DMD: variants seen among roughly 807,000 people sequenced by gnomAD.
DMD encodes mutant dystrophin.
A neutral mutation model predicts 330.1 loss-of-function variants in DMD; 63 were observed. The observed-to-expected ratio is 0.19, with a 90% CI of 0.16 to 0.24. The LOEUF (loss-of-function observed/expected upper bound fraction) is 0.24, where lower values mean the gene tolerates loss of function less well. DMD is among the 10% of genes least tolerant of loss of function. The probability of loss-of-function intolerance (pLI) is 1.00; values close to 1 mark genes in which losing one functional copy is unlikely to be tolerated. For missense variants in DMD, 3,344 were observed against 2,684.1 expected (o/e 1.25, Z -5.43); for synonymous variants, 1,223 against 959.8 (o/e 1.27, Z -5.07).
At chrX:33,334,596 T>C (rs1374025673) in intron 1 of DMD, among the ~76,000 whole-genome samples, 1 of 110,871 alleles carries the variant, frequency 9.0e-6, no homozygotes, top group Non-Finnish European at 1.9e-5. Context: ...GACTCTTAAA[T>C]TGAAATTTTA....
chrX:31,687,854 C>G (rs1384399892), intron 52 of DMD, among the ~76,000 whole-genome samples: 1 of 111,430 alleles, frequency 9.0e-6, no homozygotes, highest in Non-Finnish European at 1.9e-5. Flanking sequence ...TTATTGCATG[C>G]CTTGAGGTAG....
At chrX:32,957,780 A>T (rs957171098) in intron 2 of DMD, among the ~76,000 whole-genome samples, 2 of 111,846 alleles carry the variant, frequency 1.8e-5, no homozygotes, top group Non-Finnish European at 3.8e-5. Context: ...AGGTAAAAAT[A>T]AGCACTTCAG....
intron 7 of DMD, among the ~76,000 whole-genome samples, chrX:32,700,541 T>G (rs1471924703): frequency 9.0e-6 from 1 of 110,848 alleles, no homozygotes; most frequent in Admixed American, 9.7e-5. Context: ...GCTGCGAGAG[T>G]AGATATTAAG....
Position 31,507,291 on chromosome X carries a change from G to C in DMD, c.8380C>G (p.Leu2794Val). 1 of 1,211,417 alleles carries C rather than the reference G, an allele frequency of 8.3e-7. No homozygotes were observed. Among genetic ancestry groups the C allele is most frequent in the Non-Finnish European group, 1.1e-6 (1 of 895,337 alleles). ...CACATCTTTTCCTACCTAATGTTGA[G>C]AGACTTTTTCCGAAGTTCACTCCAC... ...FKWSELRKKS[L>V]NIRSHLEASS... Residue 2794 changes from leucine to valine, a missense_variant, in exon 56 of 79, where the codon CTC becomes GTC. Physicochemically the swap from Leu to Val is conservative, Grantham distance 32. Transcript: ENST00000357033.
chrX:32,718,987 G>T (rs1346829816), intron 7 of DMD, among the ~76,000 whole-genome samples: 1 of 111,669 alleles, frequency 9.0e-6, no homozygotes, highest in Non-Finnish European at 1.9e-5. Context: ...TTATATCGGG[G>T]AAGAGGCTAT....
chrX:32,139,102 A>G (rs1431386275), intron 44 of DMD, among the ~76,000 whole-genome samples: 1 of 112,427 alleles, frequency 8.9e-6, no homozygotes, highest in African/African-American at 3.2e-5. Context: ...CACATTTTCC[A>G]GAATGGAAAA....
In DMD at chrX:32,217,011, T is replaced by C; in HGVS notation, c.6343A>G (p.Ile2115Val). The C allele has an allele frequency of 8.3e-7, 1 of 1,208,904 alleles. No individual in the cohort carries two copies. The highest frequency in any genetic ancestry group is 1.1e-6 in the Non-Finnish European group (1 of 893,180). ...GCTTCTGTTAGCCACTGATTAAATA[T>C]CTTTATATCATAATGAAAACGCCGC... ...KWRRFHYDIK[I>V]FNQWLTEAEQ... The change falls in exon 44 of 79, where the codon ATA becomes GTA. Residue 2115 changes from isoleucine (I) to valine (V), a missense_variant. Transcript: ENST00000357033.
chrX:32,410,849 A>T (rs1489594712), intron 30 of DMD, among the ~76,000 whole-genome samples: 1 of 112,475 alleles, frequency 8.9e-6, no homozygotes, highest in Non-Finnish European at 1.9e-5. Flanking sequence ...TTACTCATTT[A>T]AAAGTCAACT....
intron 76 of DMD, 64 bp from the exon 77 acceptor site, chrX:31,134,258 A>T: frequency 1.1e-6 from 1 of 919,769 alleles, no homozygotes; most frequent in Non-Finnish European, 1.6e-6. Flanking sequence ...TTAAAGGGCC[A>T]TGATTACATT....
chrX:31,928,613 GA>G (rs1239408672), intron 47 of DMD, among the ~76,000 whole-genome samples: 12 of 101,855 alleles, frequency 1.2e-4, no homozygotes, highest in South Asian at 4.4e-4. Flanking sequence ...CTCCAAAAAA[GA>G]AAAAAAAAAA....
chrX:32,435,275 C>CATTTATATATATATATAT (rs1253392663), intron 29 of DMD, among the ~76,000 whole-genome samples: 4 of 79,655 alleles, frequency 5.0e-5, no homozygotes, highest in Non-Finnish European at 1.0e-4. Context: ...TATATACTTA[C>CATTTATATATATATATAT]ATATATATAT....
chrX:32,754,360 A>G (rs1451636534), intron 7 of DMD, among the ~76,000 whole-genome samples: 2 of 110,469 alleles, frequency 1.8e-5, no homozygotes, highest in Non-Finnish European at 3.8e-5. Context: ...GTGCATCTCA[A>G]GATCTCAGAC....
At chrX:33,175,820 TAA>T (rs1285269636) in intron 1 of DMD, among the ~76,000 whole-genome samples, 1 of 111,777 alleles carries the variant, frequency 8.9e-6, no homozygotes, top group Non-Finnish European at 1.9e-5. Context: ...ATGAAAGGTA[TAA>T]GATAATAATA....
intron 11 of DMD, among the ~76,000 whole-genome samples, chrX:32,617,964 A>T (rs1395805576): frequency 2.7e-5 from 3 of 111,871 alleles, no homozygotes; most frequent in Non-Finnish European, 5.7e-5. Context: ...ACAGATATGA[A>T]AAAATGCTCA....
intron 29 of DMD, among the ~76,000 whole-genome samples, chrX:32,413,973 G>C (rs1033407446): frequency 9.0e-6 from 1 of 110,574 alleles, no homozygotes; most frequent in Non-Finnish European, 1.9e-5. Context: ...CACCCACCTC[G>C]GCCTCCCTAA....
At chrX:32,884,102 G>T (rs2084289733) in intron 2 of DMD, among the ~76,000 whole-genome samples, 1 of 110,519 alleles carries the variant, frequency 9.0e-6, no homozygotes, top group Non-Finnish European at 1.9e-5. Flanking sequence ...TATTCCCAAT[G>T]TCCCCTATAC....
At chrX:32,025,908 C>T (rs553170268) in intron 44 of DMD, among the ~76,000 whole-genome samples, 4 of 112,014 alleles carry the variant, frequency 3.6e-5, no homozygotes, top group African/African-American at 1.3e-4. Context: ...AAAAACCCTT[C>T]GTAAACTCTG....
intron 55 of DMD, among the ~76,000 whole-genome samples, chrX:31,609,695 T>C (rs894565215): frequency 4.5e-5 from 5 of 112,119 alleles, no homozygotes; most frequent in Admixed American, 9.5e-5. Context: ...GGCGTCTCTA[T>C]TAGAGGACTA....
At chrX:31,282,538 A>G (rs1395177259) in intron 62 of DMD, among the ~76,000 whole-genome samples, 1 of 109,085 alleles carries the variant, frequency 9.2e-6, no homozygotes, top group African/African-American at 3.4e-5. Flanking sequence ...TGAGGAGCAA[A>G]TATAAATAGT....
Sources: allele counts gnomAD v4.1 joint callset (sites outside exome capture counted in the v4.1 genomes callset), GRCh38; gene constraint gnomAD v4.1.1; transcripts MANE v1.5; gene names NCBI Gene and HGNC (gene_info 2026-07-23, HGNC 2026-07-21).